TAF2: variants seen among roughly 807,000 people sequenced by gnomAD.
TAF2 encodes the protein TATA-box binding protein associated factor 2.
A neutral mutation model predicts 138.5 loss-of-function variants in TAF2; 61 were observed. The ratio of observed to expected loss-of-function variants is 0.44; its 90% CI spans 0.36 to 0.54. The LOEUF (loss-of-function observed/expected upper bound fraction) is 0.54, where lower values mean the gene tolerates loss of function less well. Ranked by LOEUF, TAF2 falls within the 20% of genes least tolerant of loss-of-function variation. The probability of loss-of-function intolerance (pLI) is 0.00; values close to 1 mark genes in which losing one functional copy is unlikely to be tolerated. For missense variants in TAF2, 1,090 were observed against 1,427.9 expected, an observed-to-expected ratio of 0.76 and a Z score of 3.81; for synonymous variants, 475 against 469.9, an observed-to-expected ratio of 1.01 and a Z score of -0.14.
In TAF2 at chr8:119,783,534, G is replaced by A; in HGVS notation, c.1959C>T (p.Leu653=). 1 of 1,614,124 alleles carries A rather than the reference G, an allele frequency of 6.2e-7. No homozygotes were observed. The highest frequency in any genetic ancestry group is 8.5e-7 in the Non-Finnish European group (1 of 1,180,032). The change falls in exon 16 of 26, where the codon CTC becomes CTT. Residue 653 remains leucine (L), a synonymous_variant. Coordinates refer to ENST00000378164, the MANE Select transcript of TAF2 (RefSeq NM_003184.4). ...EQADFMWQYQ[L]RYERDVVAQQ... Reference sequence around the variant, plus strand: ...GTGCAACAACATCTCTCTCATAGCGGAGCTGATACTGCCACATAAAATCAG... The same window carrying A: ...GTGCAACAACATCTCTCTCATAGCGAAGCTGATACTGCCACATAAAATCAG...
chr8:119,788,554 A>G, intron 13 of TAF2, 107 bp from the exon 14 acceptor site: 3 of 585,852 alleles, frequency 5.1e-6, no homozygotes, highest in Non-Finnish European at 2.7e-6. Context: ...ATTACACAAA[A>G]TGAGTATCTG....
Position 119,746,937 on chromosome 8 carries a change from A to G in TAF2, c.2879-3T>C. On this transcript the variant is annotated splice_polypyrimidine_tract_variant and splice_region_variant and intron_variant, in intron 22 of 25. Transcript: ENST00000378164. ...TAACCTCCAGTCATGTGAAGTACCTAAAAAGTAAGTAATAAAGAAATGAGT... is the reference window on the plus strand; with the variant it reads ...TAACCTCCAGTCATGTGAAGTACCTGAAAAGTAAGTAATAAAGAAATGAGT... The G allele has an allele frequency of 6.2e-7, 1 of 1,613,922 alleles. No individual in the cohort carries two copies. Among genetic ancestry groups the G allele is most frequent in the Non-Finnish European group, 8.5e-7 (1 of 1,179,888 alleles).
At chr8:119,753,144 A>G (rs1820465613) in intron 22 of TAF2, among the ~76,000 whole-genome samples, 1 of 152,174 alleles carries the variant, frequency 6.6e-6, no homozygotes, top group Non-Finnish European at 1.5e-5. Flanking sequence ...TTTCAACTAT[A>G]ACTATATAAC....
At chr8:119,788,246 A>G in intron 14 of TAF2, 92 bp downstream of exon 14, 2 of 1,116,054 alleles carry the variant, frequency 1.8e-6, no homozygotes, top group Non-Finnish European at 2.7e-6. Context: ...ATTTAAAAAA[A>G]ATTAGGTATA....
intron 2 of TAF2, among the ~76,000 whole-genome samples, chr8:119,823,187 C>A (rs967141737): frequency 3.3e-5 from 5 of 152,238 alleles, no homozygotes; most frequent in African/African-American, 1.2e-4. Flanking sequence ...TTTGTGCCAT[C>A]TTTTTCCCAT....
chr8:119,757,786 C>A (rs1820796894), intron 21 of TAF2, among the ~76,000 whole-genome samples: 1 of 151,944 alleles, frequency 6.6e-6, no homozygotes, highest in African/African-American at 2.4e-5. Context: ...ATCCCAGCCA[C>A]CAGAGAGGCT....
At chr8:119,749,137 T>C (rs1820178524) in intron 22 of TAF2, among the ~76,000 whole-genome samples, 1 of 152,198 alleles carries the variant, frequency 6.6e-6, no homozygotes. Flanking sequence ...ATTGAGTATG[T>C]GTATTTTGAT....
rs1276928865 is a variant in TAF2, at chr8:119,788,279, T to C, written c.1793+59A>G. ...ATACAAGAGAATTTTTATTTTGGCA[T>C]TTTAGTCTGTGAGATTTGTAGTTTA... On this transcript the variant is annotated intron_variant, in intron 14 of 25. Coordinates refer to ENST00000378164, the MANE Select transcript of TAF2 (RefSeq NM_003184.4). The C allele has an allele frequency of 2.0e-6, 3 of 1,464,666 alleles. No individual in the cohort carries two copies. The African/African-American group carries it at 4.2e-5, about 20-fold the overall frequency. The allele number at this position is 1,464,666 out of a possible 1,614,324, so 90.7% of individuals were successfully genotyped here.
intron 20 of TAF2, among the ~76,000 whole-genome samples, chr8:119,760,219 C>T (rs1212315428): frequency 6.6e-6 from 1 of 152,026 alleles, no homozygotes; most frequent in South Asian, 2.1e-4. Context: ...GCCTAATTCC[C>T]CTCCTGAAGT....
In TAF2 at chr8:119,784,750, A is replaced by C. The variant is rs558888926; in HGVS notation, c.1859+451T>G. 6.6e-5 allele frequency among the ~76,000 whole-genome samples: 10 copies of C among 152,326 alleles called. No homozygotes were observed. The South Asian group carries it at 2.1e-3, about 32-fold the overall frequency. ...TGTTTTGCAAGCATAGGGAGACTTA[A>C]GGCACCCAAGACCTTTGTTCTAAGG... On this transcript the variant is annotated intron_variant, in intron 15 of 25. Coordinates refer to ENST00000378164, the MANE Select transcript of TAF2 (RefSeq NM_003184.4).
chr8:119,816,089 C>T (rs1216505527), intron 3 of TAF2, among the ~76,000 whole-genome samples: 1 of 132,184 alleles, frequency 7.6e-6, no homozygotes, highest in African/African-American at 2.8e-5. Context: ...CTTACTTTGT[C>T]GCCCAGGCTG....
chr8:119,794,808 C>T (rs7839841), intron 9 of TAF2, among the ~76,000 whole-genome samples: 15,207 of 151,994 alleles, frequency 0.1, 1,146 homozygotes, highest in African/African-American at 0.21. Context: ...TTGAAGTCTT[C>T]GAAAATTAAC....
intron 16 of TAF2, among the ~76,000 whole-genome samples, chr8:119,781,709 T>C (rs1444204368): frequency 6.6e-6 from 1 of 152,008 alleles, no homozygotes; most frequent in African/African-American, 2.4e-5. Context: ...TCTTTTTTTT[T>C]TTTGGAGATG....
intron 9 of TAF2, 31 bp downstream of exon 9, chr8:119,795,501 G>T (rs774000483): frequency 3.2e-6 from 5 of 1,556,600 alleles, no homozygotes; most frequent in East Asian, 2.2e-5. Flanking sequence ...CATAAGACTT[G>T]TAAGTGGATA....
At position 119,783,415 on chromosome 8, in the gene TAF2, C is replaced by A. The variant is rs779332559; in HGVS notation, c.2078G>T (p.Arg693Ile). ...ACAGAAGCAAGCTGACATTCTTACT[C>A]TGTAGAAACACTGCTCTTGTTCTAA... Reference protein sequence around the residue: ...DILEQEQCFYRVRMSACFCLA... With the variant: ...DILEQEQCFYIVRMSACFCLA... Residue 693 changes from arginine to isoleucine, a missense_variant, in exon 16 of 26, where the codon AGA becomes ATA. By Grantham distance (97) the Arg-to-Ile change is moderately conservative (BLOSUM62 -3). Around this residue, in one of 3 missense-constraint regions of TAF2, gnomAD observed 580 missense variants for 719.6 expected, o/e 0.81. Transcript: ENST00000378164. The A allele has an allele frequency of 6.2e-7, 1 of 1,614,138 alleles. No homozygotes were observed. The highest frequency in any genetic ancestry group is 1.1e-5 in the South Asian group (1 of 91,084).
intron 12 of TAF2, among the ~76,000 whole-genome samples, 163 bp from the exon 13 acceptor site, chr8:119,789,067 T>A (rs891864386): frequency 6.6e-6 from 1 of 152,216 alleles, no homozygotes; most frequent in Non-Finnish European, 1.5e-5. Flanking sequence ...AAAGTACTTG[T>A]GAAAAATGCT....
At chr8:119,795,484 T>C in intron 9 of TAF2, 48 bp downstream of exon 9, 1 of 1,466,126 alleles carries the variant, frequency 6.8e-7, no homozygotes, top group South Asian at 1.1e-5. Flanking sequence ...TCATTAAAAA[T>C]GGAGGACATA....
chr8:119,786,778 G>A (rs1823040104), intron 14 of TAF2, among the ~76,000 whole-genome samples: 6 of 152,084 alleles, frequency 3.9e-5, no homozygotes, highest in Admixed American at 3.9e-4. Flanking sequence ...AAAAAGTAGC[G>A]GGGCGTGGTG....
intron 2 of TAF2, among the ~76,000 whole-genome samples, chr8:119,822,716 C>T (rs764981651): frequency 6.6e-6 from 1 of 152,160 alleles, no homozygotes; most frequent in Non-Finnish European, 1.5e-5. Flanking sequence ...CTGATGCTGA[C>T]ATTATGAACT....
Sources: gnomAD v4.1 joint callset for allele counts (sites outside exome capture counted in the v4.1 genomes callset) on GRCh38, gnomAD v4.1.1 for gene constraint, gnomAD v4.1.1 regional missense constraint, MANE v1.5 for transcripts, NCBI Gene and HGNC (gene_info 2026-07-23, HGNC 2026-07-21) for gene names.